UGT8: variants seen among roughly 807,000 people sequenced by gnomAD.
UGT8 encodes the protein 2-hydroxyacylsphingosine 1-beta-galactosyltransferase.
UGT8 carries 12 observed loss-of-function variants against 40.5 expected under a neutral mutation model. The ratio of observed to expected loss-of-function variants is 0.30; its 90% CI spans 0.19 to 0.48. The LOEUF (loss-of-function observed/expected upper bound fraction) is 0.48. Among genes scored for constraint, UGT8 ranks in the 20% least tolerant of loss-of-function variants. The probability of loss-of-function intolerance (pLI) is 0.99; values close to 1 mark genes in which losing one functional copy is unlikely to be tolerated. For synonymous variants in UGT8, 224 were observed against 240.4 expected (o/e 0.93, Z 0.63); for missense variants, 513 against 648.7 (o/e 0.79, Z 2.27).
chr4:114,631,466 G>C (rs528929287), intron 2 of UGT8, among the ~76,000 whole-genome samples: 1 of 152,248 alleles, frequency 6.6e-6, no homozygotes, highest in Non-Finnish European at 1.5e-5. Flanking sequence ...CAGCCTGGGC[G>C]ACAGAGTGAG....
intron 1 of UGT8, among the ~76,000 whole-genome samples, chr4:114,621,461 A>C (rs940051133): frequency 6.6e-6 from 1 of 152,190 alleles, no homozygotes; most frequent in Admixed American, 6.5e-5. Flanking sequence ...CTCTGGAAAA[A>C]AGTCTTTTCT....
rs1731967280 is a variant in UGT8 at position 114,623,389 on chromosome 4, C to T, written c.509C>T (p.Ala170Val). ...CTTTGGTATCCTGCTGAAGTGGGTG[C>T]TCCTGCTCCATTAGCATACGTCCCA... ...TGLWYPAEVGAPAPLAYVPEF... is the reference protein window; with the variant it reads ...TGLWYPAEVGVPAPLAYVPEF... Residue 170 changes from alanine (A) to valine (V), a missense_variant, in exon 2 of 6, where the codon GCT (alanine) becomes GTT (valine). Coordinates refer to ENST00000310836, the MANE Select transcript of UGT8 (RefSeq NM_001128174.3). 2.5e-6 allele frequency: 4 copies of T among 1,614,174 alleles called. No homozygotes were observed. In the South Asian group the frequency reaches 4.4e-5, roughly 18 times the overall value.
At chr4:114,612,218 T>TA (rs900482757) in intron 1 of UGT8, among the ~76,000 whole-genome samples, 30 of 151,334 alleles carry the variant, frequency 2.0e-4, no homozygotes, top group African/African-American at 3.9e-4. Context: ...CTCAGTTTAT[T>TA]AAAAAAAAAC....
chr4:114,623,295 C>T lies in UGT8; in HGVS notation c.415C>T (p.Pro139Ser). ...AAAATTTGACCTGCTGCTGGTGGAC[C>T]CTAATGATATGTGTGGATTTGTGAT... Reference protein sequence around the residue: ...KEKFDLLLVDPNDMCGFVIAH... With the variant: ...KEKFDLLLVDSNDMCGFVIAH... The change falls in exon 2 of 6, where the codon CCT (proline) becomes TCT (serine). Residue 139 changes from proline to serine, a missense_variant. Physicochemically the swap from Pro to Ser is moderately conservative, Grantham distance 74 (BLOSUM62 -1). Transcript: ENST00000310836. 1 of 1,614,020 alleles carries T rather than the reference C, an allele frequency of 6.2e-7. No individual in the cohort carries two copies. Among genetic ancestry groups the T allele is most frequent in the South Asian group, 1.1e-5 (1 of 91,076 alleles).
intron 2 of UGT8, among the ~76,000 whole-genome samples, chr4:114,657,837 G>A (rs536899323): frequency 6.6e-6 from 1 of 152,228 alleles, no homozygotes; most frequent in East Asian, 1.9e-4. Context: ...TCTCTGCAGT[G>A]TGCTTGTAAA....
intron 2 of UGT8, among the ~76,000 whole-genome samples, chr4:114,647,468 C>T (rs1311991380): frequency 1.3e-5 from 2 of 151,560 alleles, no homozygotes; most frequent in Non-Finnish European, 2.9e-5. Context: ...CAGGTTCAAA[C>T]GATTCTCCTG....
At chr4:114,651,703 T>G (rs1733906084) in intron 2 of UGT8, among the ~76,000 whole-genome samples, 2 of 152,110 alleles carry the variant, frequency 1.3e-5, no homozygotes, top group South Asian at 4.1e-4. Flanking sequence ...TTAAGTTATC[T>G]TCCAGAAGTC....
intron 2 of UGT8, among the ~76,000 whole-genome samples, chr4:114,635,328 G>T (rs113335800): frequency 0.061 from 9,179 of 151,382 alleles, 368 homozygotes; most frequent in East Asian, 0.14. Context: ...TCCAGCCTGG[G>T]TGACAGAGTG....
chr4:114,673,773 T>TA (rs1477554168), intron 5 of UGT8, among the ~76,000 whole-genome samples: 1 of 152,226 alleles, frequency 6.6e-6, no homozygotes, highest in African/African-American at 2.4e-5. Flanking sequence ...GATACTCCTT[T>TA]GCCCCATAAG....
rs978409767 is a variant in UGT8, at chr4:114,677,480, T to G, written c.*1192T>G. On this transcript the variant is annotated 3_prime_UTR_variant, in exon 6 of 6. Transcript: ENST00000310836. ...TGACAGATAAATTGAACCACTTGTTTGTGAAAATGAGTTCCTGTCATCTTC... is the reference window on the plus strand; with the variant it reads ...TGACAGATAAATTGAACCACTTGTTGGTGAAAATGAGTTCCTGTCATCTTC... 1 of 152,252 alleles carries G rather than the reference T, an allele frequency of 6.6e-6. No homozygotes were observed. The highest frequency in any genetic ancestry group is 1.5e-5 in the Non-Finnish European group (1 of 68,050). 9.4% of individuals were successfully genotyped at this position (152,252 alleles called of 1,614,324 possible).
intron 2 of UGT8, among the ~76,000 whole-genome samples, chr4:114,663,102 C>G (rs556341253): frequency 1.3e-5 from 2 of 152,042 alleles, no homozygotes; most frequent in Admixed American, 6.5e-5. Flanking sequence ...GGATTACAGG[C>G]GTGAGCCACC....
chr4:114,599,646 G>A (rs563402273), intron 1 of UGT8, among the ~76,000 whole-genome samples: 5 of 152,218 alleles, frequency 3.3e-5, no homozygotes, highest in African/African-American at 4.8e-5. Context: ...GAATGGTACG[G>A]GGTGCCCTTG....
At chr4:114,672,986 G>A (rs1233593441) in intron 5 of UGT8, among the ~76,000 whole-genome samples, 1 of 152,136 alleles carries the variant, frequency 6.6e-6, no homozygotes, top group African/African-American at 2.4e-5. Context: ...TAGAAAGAAA[G>A]ATGGAGAATC....
rs1471481102 is a variant in UGT8, at chr4:114,628,547, C to G, written c.822+4845C>G. ...ATTGTGAACTAAAATAGTCTTTTCTCTCTTCCAAATATGCATATAAACAGG... is the reference window on the plus strand; with the variant it reads ...ATTGTGAACTAAAATAGTCTTTTCTGTCTTCCAAATATGCATATAAACAGG... On this transcript the variant is annotated intron_variant, in intron 2 of 5. Transcript: ENST00000310836. Among the ~76,000 whole-genome samples, 3 of 151,766 alleles carry G rather than the reference C, an allele frequency of 2.0e-5. No homozygotes were observed. The East Asian group carries it at 5.9e-4, about 30-fold the overall frequency.
chr4:114,625,995 A>G (rs1237666269), intron 2 of UGT8, among the ~76,000 whole-genome samples: 1 of 152,188 alleles, frequency 6.6e-6, no homozygotes, highest in Non-Finnish European at 1.5e-5. Flanking sequence ...CAGACATGGC[A>G]TGTGTGCATG....
At chr4:114,613,725 T>TGCATAAATATCCCCA (rs1474822912) in intron 1 of UGT8, among the ~76,000 whole-genome samples, 30 of 152,176 alleles carry the variant, frequency 2.0e-4, no homozygotes, top group South Asian at 4.1e-4. Flanking sequence ...GTGGGAGAAT[T>TGCATAAATATCCCCA]GCATAAATAT....
At position 114,598,820 on chromosome 4, in the gene UGT8, T is replaced by C. The variant is rs1397354369; in HGVS notation, c.-157T>C. 1 of 152,332 alleles carries C rather than the reference T, an allele frequency of 6.6e-6. No individual in the cohort carries two copies. The highest frequency in any genetic ancestry group is 1.9e-4 in the East Asian group (1 of 5,144). The allele number at this position is 152,332 out of a possible 1,614,324, so 9.4% of individuals were successfully genotyped here. ...AACTGTGAACCCAGAGAGCCCTCCTTAGCCAACACGCTAACTCCGAAGCCT... is the reference window on the plus strand; with the variant it reads ...AACTGTGAACCCAGAGAGCCCTCCTCAGCCAACACGCTAACTCCGAAGCCT... On this transcript the variant is annotated 5_prime_UTR_variant, in exon 1 of 6. Transcript: ENST00000310836.
At chr4:114,656,705 G>T (rs1734208897) in intron 2 of UGT8, 1 of 459,874 alleles carries the variant, frequency 2.2e-6, no homozygotes, top group Non-Finnish European at 4.5e-6. Context: ...TGTGATCTTG[G>T]TAAATAACTG....
At chr4:114,639,074 T>C (rs1303807934) in intron 2 of UGT8, among the ~76,000 whole-genome samples, 2 of 152,178 alleles carry the variant, frequency 1.3e-5, no homozygotes, top group Non-Finnish European at 2.9e-5. Flanking sequence ...AGATACAAAA[T>C]AAAATGCCGT....
Sources: gnomAD v4.1 joint callset for allele counts (sites outside exome capture counted in the v4.1 genomes callset) on GRCh38, gnomAD v4.1.1 for gene constraint, MANE v1.5 for transcripts, NCBI Gene and HGNC (gene_info 2026-07-23, HGNC 2026-07-21) for gene names.